Variants in VWA3B observed in about 807,000 individuals in gnomAD.
VWA3B encodes von Willebrand factor A domain-containing protein 3B.
In VWA3B, 138 loss-of-function variants were observed where a neutral mutation model predicts 158.3. The ratio of observed to expected loss-of-function variants is 0.87; its 90% CI spans 0.76 to 1.00. The LOEUF (loss-of-function observed/expected upper bound fraction) is 1.00, where lower values mean the gene tolerates loss of function less well. Ranked by LOEUF, VWA3B falls within the 50% of genes least tolerant of loss-of-function variation. The pLI, the probability that VWA3B is intolerant of heterozygous loss-of-function variation, is 0.00. For synonymous variants in VWA3B, 596 were observed against 587.3 expected, an observed-to-expected ratio of 1.01 and a Z score of -0.21; for missense variants, 1,555 against 1,565.1, an observed-to-expected ratio of 0.99 and a Z score of 0.11.
chr2:98,307,534 T>C lies in VWA3B; in HGVS notation c.3521+3732T>C, dbSNP rs377352578. Among the ~76,000 whole-genome samples the C allele has an allele frequency of 3.2e-4, 49 of 152,376 alleles. No individual in the cohort carries two copies. The East Asian group carries it at 5.2e-3, about 16-fold the overall frequency. ...CAGTATAAGCTTGCCAGGGCAAATA[T>C]TTAAACTAAATTGTGAGAGCTAAGA... is the stretch of plus-strand genomic sequence containing the variant. On this transcript the variant is annotated intron_variant, in intron 26 of 27. Transcript: ENST00000477737.
chr2:98,155,995 G>A (rs1402475737), intron 7 of VWA3B, among the ~76,000 whole-genome samples: 3 of 152,126 alleles, frequency 2.0e-5, no homozygotes, highest in Admixed American at 6.5e-5. Flanking sequence ...TCACTGGGAC[G>A]CTTTAAGAAT....
rs10204161 is a variant in VWA3B, at chr2:98,114,980, G to A, written c.197-672G>A. 3.6e-3 allele frequency among the ~76,000 whole-genome samples: 544 copies of A among 152,240 alleles called. 1 individual carries two copies. The highest frequency in any genetic ancestry group is 0.013 in the African/African-American group (523 of 41,526). ...GTATGGCAATTCTGAATCTGTGACC[G>A]GCTGGCTTTATTTCAGTGATTTAAT... On this transcript the variant is annotated intron_variant, in intron 2 of 27. Coordinates refer to ENST00000477737, the MANE Select transcript of VWA3B (RefSeq NM_144992.5).
At chr2:98,123,056 A>G (rs1047619467) in intron 5 of VWA3B, among the ~76,000 whole-genome samples, 17 of 152,180 alleles carry the variant, frequency 1.1e-4, no homozygotes, top group South Asian at 4.1e-4. Context: ...GCCGTGTCCT[A>G]TGTTTTATGA....
chr2:98,142,756 C>G (rs1676879214), intron 7 of VWA3B, among the ~76,000 whole-genome samples: 1 of 151,968 alleles, frequency 6.6e-6, no homozygotes, highest in African/African-American at 2.4e-5. Flanking sequence ...TTTTGATGTT[C>G]TAAAACAACA....
chr2:98,248,866 TC>T (rs1315997390), intron 19 of VWA3B, among the ~76,000 whole-genome samples: 1 of 23,522 alleles, frequency 4.3e-5, no homozygotes, highest in Non-Finnish European at 6.2e-5. Flanking sequence ...TTTCTTTCTT[TC>T]TTTCTTTCTT....
At chr2:98,292,369 A>G (rs1689548165) in intron 23 of VWA3B, among the ~76,000 whole-genome samples, 1 of 152,180 alleles carries the variant, frequency 6.6e-6, no homozygotes, top group African/African-American at 2.4e-5. Flanking sequence ...ATACTTCAGC[A>G]GGATTTTTGG....
chr2:98,248,669 G>C (rs1686553552), intron 19 of VWA3B, among the ~76,000 whole-genome samples: 1 of 152,062 alleles, frequency 6.6e-6, no homozygotes, highest in Admixed American at 6.6e-5. Context: ...AGCTTTCCAG[G>C]AGTTGAACTC....
At chr2:98,108,887 G>A (rs992118465) in intron 2 of VWA3B, among the ~76,000 whole-genome samples, 5 of 149,552 alleles carry the variant, frequency 3.3e-5, no homozygotes, top group Admixed American at 6.6e-5. Context: ...TTTATTTTTC[G>A]TTTTCTTTTT....
At chr2:98,299,637 T>G (rs955113152) in intron 24 of VWA3B, among the ~76,000 whole-genome samples, 1 of 152,228 alleles carries the variant, frequency 6.6e-6, no homozygotes, top group Non-Finnish European at 1.5e-5. Context: ...ATTCTCCGTT[T>G]GCGACTTTTA....
At chr2:98,215,200 G>A (rs568757871) in intron 13 of VWA3B, among the ~76,000 whole-genome samples, 1 of 152,068 alleles carries the variant, frequency 6.6e-6, no homozygotes, top group Non-Finnish European at 1.5e-5. Context: ...CCAGCACTTT[G>A]GAAGGCCGAG....
At chr2:98,170,082 G>A (rs532768244) in intron 8 of VWA3B, among the ~76,000 whole-genome samples, 11 of 152,180 alleles carry the variant, frequency 7.2e-5, no homozygotes, top group African/African-American at 1.7e-4. Flanking sequence ...AGTGGTGATC[G>A]CACCACTGCA....
At position 98,132,320 on chromosome 2, in the gene VWA3B, G is replaced by C. The variant is rs368397967; in HGVS notation, c.873-1504G>C. ...CCTGGACACCCCATGGCTTCTGGTT[G>C]GTCTTGGTGCACCTTTGGCCATGGG... is the stretch of plus-strand genomic sequence containing the variant. On this transcript the variant is annotated intron_variant, in intron 6 of 27. Transcript: ENST00000477737. 8.5e-5 allele frequency among the ~76,000 whole-genome samples: 13 copies of C among 152,318 alleles called. No homozygotes were observed. In the East Asian group the frequency reaches 1.5e-3, roughly 18 times the overall value.
chr2:98,147,109 G>T (rs1370268956), intron 7 of VWA3B, among the ~76,000 whole-genome samples: 1 of 152,200 alleles, frequency 6.6e-6, no homozygotes, highest in Non-Finnish European at 1.5e-5. Context: ...TTTTAAAAGA[G>T]AATGTAATTT....
intron 26 of VWA3B, among the ~76,000 whole-genome samples, chr2:98,307,642 A>G (rs1394344941): frequency 6.6e-6 from 1 of 152,226 alleles, no homozygotes; most frequent in Non-Finnish European, 1.5e-5. Context: ...TTTTGCTTCT[A>G]AGAGAAGTTA....
chr2:98,180,165 TTC>T (rs564023681), intron 8 of VWA3B, among the ~76,000 whole-genome samples: 1 of 144,092 alleles, frequency 6.9e-6, no homozygotes, highest in South Asian at 2.5e-4. Context: ...CTTTCTTTTC[TTC>T]TCTCTCTCTC....
chr2:98,213,753 G>A (rs1031578029), intron 13 of VWA3B, among the ~76,000 whole-genome samples: 2 of 152,192 alleles, frequency 1.3e-5, no homozygotes, highest in African/African-American at 2.4e-5. Context: ...TGGAGCTGGA[G>A]TTAGGGGACA....
chr2:98,187,850 G>T (rs1400016260), intron 9 of VWA3B, 125 bp from the exon 10 acceptor site: 3 of 1,040,638 alleles, frequency 2.9e-6, no homozygotes, highest in African/African-American at 3.3e-5. Flanking sequence ...AACTAACAAA[G>T]GAATGATTGA....
chr2:98,126,807 A>C (rs757206798), intron 5 of VWA3B, among the ~76,000 whole-genome samples: 3 of 152,180 alleles, frequency 2.0e-5, no homozygotes, highest in Non-Finnish European at 4.4e-5. Flanking sequence ...TCTGTGCCTC[A>C]AGTGGCCTGA....
chr2:98,181,526 C>T (rs992757737), intron 9 of VWA3B, among the ~76,000 whole-genome samples: 3 of 152,168 alleles, frequency 2.0e-5, no homozygotes, highest in Admixed American at 6.5e-5. Flanking sequence ...GCCCTTTGTT[C>T]CCCCATATTG....
Sources: gnomAD v4.1 joint callset for allele counts (sites outside exome capture counted in the v4.1 genomes callset) on GRCh38, gnomAD v4.1.1 for gene constraint, MANE v1.5 for transcripts, NCBI Gene and HGNC (gene_info 2026-07-23, HGNC 2026-07-21) for gene names.